TMED3: variants seen among roughly 807,000 people sequenced by gnomAD.
TMED3 encodes the protein transmembrane p24 trafficking protein 3.
In TMED3, 9 loss-of-function variants were observed where a neutral mutation model predicts 15.0. The observed-to-expected ratio is 0.60, with a 90% confidence interval of 0.36 to 1.04. The LOEUF (loss-of-function observed/expected upper bound fraction) is 1.04, where lower values mean the gene tolerates loss of function less well. Ranked by LOEUF, TMED3 falls within the 50% of genes least tolerant of loss-of-function variation. The probability of loss-of-function intolerance (pLI) is 0.01; values close to 1 mark genes in which losing one functional copy is unlikely to be tolerated. For synonymous variants in TMED3, 117 were observed against 121.4 expected (o/e 0.96, Z 0.24); for missense variants, 267 against 278.9 (o/e 0.96, Z 0.30).
At chr15:79,383,282 T>A (rs955702825) in intron 2 of TMED3, 1 of 503,840 alleles carries the variant, frequency 2.0e-6, no homozygotes, top group Non-Finnish European at 3.6e-6. Context: ...GTCTTAAGGC[T>A]GTTGAAGATT....
intron 2 of TMED3, among the ~76,000 whole-genome samples, chr15:79,371,171 G>A (rs1893331214): frequency 6.6e-6 from 1 of 152,198 alleles, no homozygotes; most frequent in Admixed American, 6.5e-5. Flanking sequence ...ACACAAAGAT[G>A]TGTATTCTTA....
chr15:79,402,317 G>A (rs1270311821), intron 2 of TMED3, among the ~76,000 whole-genome samples: 1 of 152,208 alleles, frequency 6.6e-6, no homozygotes, highest in Non-Finnish European at 1.5e-5. Flanking sequence ...CAGTCCCCAG[G>A]TTATACACGT....
chr15:79,362,300 TA>T (rs1893146027), intron 2 of TMED3, among the ~76,000 whole-genome samples: 1 of 83,338 alleles, frequency 1.2e-5, no homozygotes, highest in Non-Finnish European at 2.8e-5. Flanking sequence ...ATCTTGCCTC[TA>T]TAAAAAAAAA....
intron 2 of TMED3, 146 bp downstream of exon 2, chr15:79,314,151 C>A: frequency 9.5e-7 from 1 of 1,050,318 alleles, no homozygotes; most frequent in Non-Finnish European, 1.3e-6. Flanking sequence ...TTTCTTCATA[C>A]CTAGTCCTAA....
intron 2 of TMED3, among the ~76,000 whole-genome samples, chr15:79,318,174 A>G (rs1056175430): frequency 6.7e-6 from 1 of 150,276 alleles, no homozygotes; most frequent in East Asian, 2.0e-4. Flanking sequence ...TCCCATGTCA[A>G]GTACTCCATC....
chr15:79,380,020 C>T (rs547332415), intron 2 of TMED3, among the ~76,000 whole-genome samples: 3 of 152,090 alleles, frequency 2.0e-5, no homozygotes, highest in African/African-American at 4.8e-5. Flanking sequence ...ATTCTGGTAG[C>T]TCAGAAAACA....
intron 2 of TMED3, among the ~76,000 whole-genome samples, chr15:79,356,297 A>G (rs754700818): frequency 1.3e-5 from 2 of 152,154 alleles, no homozygotes; most frequent in African/African-American, 2.4e-5. Context: ...CCTTTCATTC[A>G]TTTAGCGACA....
At chr15:79,394,156 G>A (rs1171096567) in intron 2 of TMED3, among the ~76,000 whole-genome samples, 7 of 152,050 alleles carry the variant, frequency 4.6e-5, no homozygotes, top group Non-Finnish European at 8.8e-5. Flanking sequence ...GGGGGTGGGT[G>A]GACTAGTGCA....
At chr15:79,385,434 C>T (rs952724073) in intron 2 of TMED3, among the ~76,000 whole-genome samples, 2 of 152,142 alleles carry the variant, frequency 1.3e-5, no homozygotes, top group African/African-American at 2.4e-5. Flanking sequence ...ACCCAGTTGC[C>T]GGTGGCTGGC....
chr15:79,361,706 TA>T (rs1216705014), intron 2 of TMED3, among the ~76,000 whole-genome samples: 1 of 15,482 alleles, frequency 6.5e-5, no homozygotes, highest in African/African-American at 1.1e-4. Flanking sequence ...CTTATGGAAA[TA>T]AAAAAATTAA....
intron 2 of TMED3, among the ~76,000 whole-genome samples, chr15:79,386,286 T>C (rs1019138429): frequency 2.0e-5 from 3 of 152,228 alleles, no homozygotes; most frequent in African/African-American, 7.2e-5. Flanking sequence ...TAATGTTATG[T>C]GCTTTTGACC....
At chr15:79,376,780 T>G (rs1206289690) in intron 2 of TMED3, among the ~76,000 whole-genome samples, 1 of 152,226 alleles carries the variant, frequency 6.6e-6, no homozygotes, top group South Asian at 2.1e-4. Context: ...GTTTTATTGT[T>G]TTTTAGTTGG....
intron 2 of TMED3, among the ~76,000 whole-genome samples, chr15:79,371,264 A>G (rs1477148274): frequency 6.6e-6 from 1 of 152,188 alleles, no homozygotes; most frequent in East Asian, 1.9e-4. Flanking sequence ...TGAGTTTTAT[A>G]TCTAAATCTC....
chr15:79,360,958 C>G (rs1027741771), intron 2 of TMED3, among the ~76,000 whole-genome samples: 2 of 150,854 alleles, frequency 1.3e-5, no homozygotes, highest in African/African-American at 4.9e-5. Context: ...AAATGATCTG[C>G]CTGCCTCAGC....
At chr15:79,316,756 G>A (rs1474676658) in intron 2 of TMED3, among the ~76,000 whole-genome samples, 1 of 152,184 alleles carries the variant, frequency 6.6e-6, no homozygotes, top group African/African-American at 2.4e-5. Context: ...GCCAGGACTG[G>A]TGGTCTTAGC....
chr15:79,328,311 A>T (rs933962568), intron 2 of TMED3, among the ~76,000 whole-genome samples: 7 of 152,094 alleles, frequency 4.6e-5, no homozygotes, highest in Admixed American at 6.5e-5. Context: ...CGAAAAGAAA[A>T]TATATTTGAG....
chr15:79,311,129 G>C lies in TMED3; in HGVS notation c.-121G>C. 1.7e-6 allele frequency: 2 copies of C among 1,156,712 alleles called. No homozygotes were observed. Among genetic ancestry groups the C allele is most frequent in the Non-Finnish European group, 2.3e-6 (2 of 861,498 alleles). 71.7% of individuals were successfully genotyped at this position (1,156,712 alleles called of 1,614,324 possible). ...CCGCCGGCCCTCCCGGAAGCGCAGA[G>C]CTCCGCTGGTGCCACGTCTATCCCC... On this transcript the variant is annotated 5_prime_UTR_variant, in exon 1 of 3. Coordinates refer to ENST00000299705, the MANE Select transcript of TMED3 (RefSeq NM_007364.4).
At chr15:79,369,815 CT>C (rs1416020670) in intron 2 of TMED3, among the ~76,000 whole-genome samples, 1 of 152,230 alleles carries the variant, frequency 6.6e-6, no homozygotes, top group East Asian at 1.9e-4. Flanking sequence ...CAGCTCCTGG[CT>C]GTCAGGGGCC....
intron 2 of TMED3, among the ~76,000 whole-genome samples, chr15:79,338,677 A>G (rs1462273029): frequency 6.6e-6 from 1 of 152,214 alleles, no homozygotes; most frequent in Non-Finnish European, 1.5e-5. Flanking sequence ...CTCTATAATC[A>G]TAACCTAGGA....
Sources: gnomAD v4.1 joint callset for allele counts (sites outside exome capture counted in the v4.1 genomes callset) on GRCh38, gnomAD v4.1.1 for gene constraint, MANE v1.5 for transcripts, NCBI Gene and HGNC (gene_info 2026-07-23, HGNC 2026-07-21) for gene names.